The following CACNA1C variants were observed in gnomAD, a reference collection of about 807,000 sequenced individuals.
The protein encoded by CACNA1C is calcium voltage-gated channel subunit alpha1 C.
CACNA1C carries 30 observed loss-of-function variants against 229.0 expected under a neutral mutation model. The observed-to-expected ratio is 0.13, with a 90% confidence interval of 0.10 to 0.18. CACNA1C has a LOEUF of 0.18. CACNA1C is among the 10% of genes least tolerant of loss of function. The pLI is 1.00. For synonymous variants in CACNA1C, 1,114 were observed against 1,132.5 expected, an observed-to-expected ratio of 0.98 and a Z score of 0.33; for missense variants, 1,658 against 2,845.0, an observed-to-expected ratio of 0.58 and a Z score of 9.49.
At chr12:2,577,269 A>G (rs1184771695) in intron 13 of CACNA1C, among the ~76,000 whole-genome samples, 1 of 152,170 alleles carries the variant, frequency 6.6e-6, no homozygotes, top group Non-Finnish European at 1.5e-5. Context: ...GGTGTTTTTC[A>G]TGTAGACAGT....
At chr12:2,435,558 G>A (rs11062228) in intron 3 of CACNA1C, among the ~76,000 whole-genome samples, 85,711 of 152,048 alleles carry the variant, frequency 0.56, 24,421 homozygotes, top group East Asian at 0.65. Flanking sequence ...AGGGTTGCCC[G>A]GGAAGAAGGG....
intron 3 of CACNA1C, among the ~76,000 whole-genome samples, chr12:2,411,980 A>G (rs1388107690): frequency 6.6e-6 from 1 of 152,190 alleles, no homozygotes; most frequent in Non-Finnish European, 1.5e-5. Context: ...GGAGCCAGGA[A>G]GAGGCTTTCT....
rs781395450 is a variant in CACNA1C, at chr12:2,115,282, G to A, written c.108G>A (p.Ala36=). The A allele has an allele frequency of 1.3e-5, 20 of 1,590,004 alleles. No homozygotes were observed. Among genetic ancestry groups the A allele is most frequent in the East Asian group, 9.2e-5 (4 of 43,536 alleles). Residue 36 remains alanine (A), a synonymous_variant, in exon 2 of 47, where the codon GCG becomes GCA. Coordinates refer to ENST00000399655, the MANE Select transcript of CACNA1C (RefSeq NM_000719.7). ...AHANMNANAA[A]GLAPEHIPTP... ...CCAACATGAATGCCAATGCGGCAGC[G>A]GGGCTGGCCCCTGAGCACATCCCCA...
chr12:2,523,276 C>T (rs998773872), intron 9 of CACNA1C, among the ~76,000 whole-genome samples: 1 of 152,060 alleles, frequency 6.6e-6, no homozygotes, highest in African/African-American at 2.4e-5. Flanking sequence ...AAAGAAAAAG[C>T]GAACTGAGGT....
chr12:2,587,821 C>T (rs762147436), intron 18 of CACNA1C, among the ~76,000 whole-genome samples: 27 of 152,114 alleles, frequency 1.8e-4, no homozygotes, highest in African/African-American at 4.8e-4. Flanking sequence ...TCTTTACTTT[C>T]GTGTTGAGAC....
At chr12:2,089,488 AAC>A (rs1258341000) in intron 1 of CACNA1C, among the ~76,000 whole-genome samples, 1 of 152,188 alleles carries the variant, frequency 6.6e-6, no homozygotes, top group Admixed American at 6.5e-5. Context: ...GGGGGAGACA[AAC>A]ACAGGAATAA....
chr12:2,540,799 T>C (rs1451916750), intron 9 of CACNA1C, among the ~76,000 whole-genome samples: 1 of 152,188 alleles, frequency 6.6e-6, no homozygotes, highest in Non-Finnish European at 1.5e-5. Flanking sequence ...GGTTGGAGTT[T>C]CTGCAGGAAG....
intron 11 of CACNA1C, among the ~76,000 whole-genome samples, chr12:2,565,421 T>C (rs562842646): frequency 4.6e-4 from 68 of 147,664 alleles, no homozygotes; most frequent in Non-Finnish European, 7.1e-4. Flanking sequence ...GAGCCGAGAT[T>C]GCGCCACTGC....
chr12:2,439,575 G>A (rs1403303981), intron 3 of CACNA1C, among the ~76,000 whole-genome samples: 1 of 152,138 alleles, frequency 6.6e-6, no homozygotes, highest in Non-Finnish European at 1.5e-5. Context: ...CCCACGTGCT[G>A]GGGCAGGGAG....
In CACNA1C at chr12:2,371,771, G is replaced by A. The variant is rs554590537; in HGVS notation, c.478-77205G>A. Among the ~76,000 whole-genome samples the A allele has an allele frequency of 2.4e-5, 3 of 124,792 alleles. No individual in the cohort carries two copies. The South Asian group carries it at 8.1e-4, about 34-fold the overall frequency. 81.9% of individuals were successfully genotyped at this position (124,792 alleles called of 152,430 possible). On this transcript the variant is annotated intron_variant, in intron 3 of 46. Coordinates refer to ENST00000399655, the MANE Select transcript of CACNA1C (RefSeq NM_000719.7). Reference sequence around the variant, plus strand: ...TAATCTCGGACTCTTGGACAATAGTGTTGAAACTTGTGGAATTAAATCACA... The same window carrying A: ...TAATCTCGGACTCTTGGACAATAGTATTGAAACTTGTGGAATTAAATCACA...
At chr12:2,676,221 G>A (rs576483787) in intron 39 of CACNA1C, 25 of 152,320 alleles carry the variant, frequency 1.6e-4, no homozygotes, top group African/African-American at 6.0e-4. Context: ...GCTGGACAGG[G>A]GACCCTGGGT....
chr12:2,205,661 C>T (rs58702091), intron 3 of CACNA1C, among the ~76,000 whole-genome samples: 2,746 of 152,276 alleles, frequency 0.018, 75 homozygotes, highest in African/African-American at 0.062. Context: ...TCCTCTCCGG[C>T]TGAGTTTTTA....
intron 38 of CACNA1C, among the ~76,000 whole-genome samples, chr12:2,671,287 A>T (rs2096557969): frequency 6.6e-6 from 1 of 152,230 alleles, no homozygotes; most frequent in African/African-American, 2.4e-5. Context: ...TGCTGGGATG[A>T]CAGGCATGAG....
At chr12:1,993,458 T>A in intron 1 of CACNA1C, 1 of 1,559,056 alleles carries the variant, frequency 6.4e-7, no homozygotes, top group South Asian at 1.2e-5. Context: ...ATTTTCAGTA[T>A]AAGTACATTC....
intron 39 of CACNA1C, 73 bp downstream of exon 39, chr12:2,674,715 C>A: frequency 1.5e-6 from 2 of 1,361,818 alleles, no homozygotes; most frequent in Non-Finnish European, 2.0e-6. Context: ...TCTCCTCCAG[C>A]TGTGGCACCC....
intron 11 of CACNA1C, among the ~76,000 whole-genome samples, chr12:2,564,067 G>A (rs12321187): frequency 0.2 from 31,071 of 152,164 alleles, 3,571 homozygotes; most frequent in African/African-American, 0.31. Context: ...GATTTAGAAT[G>A]GAGGACCTCA....
chr12:2,683,635 C>T (rs1476606330), intron 43 of CACNA1C, among the ~76,000 whole-genome samples: 1 of 152,228 alleles, frequency 6.6e-6, no homozygotes, highest in Non-Finnish European at 1.5e-5. Flanking sequence ...AAAATGGGCC[C>T]TCTGGAGGGA....
At chr12:2,025,697 C>A (rs905506547) in intron 1 of CACNA1C, among the ~76,000 whole-genome samples, 11 of 152,138 alleles carry the variant, frequency 7.2e-5, no homozygotes, top group Admixed American at 7.2e-4. Flanking sequence ...CCTAAAATAC[C>A]AGCCTTGGGA....
intron 1 of CACNA1C, among the ~76,000 whole-genome samples, chr12:2,102,014 G>A (rs778902768): frequency 3.3e-5 from 5 of 152,200 alleles, no homozygotes; most frequent in African/African-American, 2.4e-5. Flanking sequence ...CACATTGGTA[G>A]TGTGCACATA....
Sources: gnomAD v4.1 joint callset for allele counts (sites outside exome capture counted in the v4.1 genomes callset) on GRCh38, gnomAD v4.1.1 for gene constraint, MANE v1.5 for transcripts, NCBI Gene and HGNC (gene_info 2026-07-23, HGNC 2026-07-21) for gene names.